The following ADAMTS19 variants were observed in gnomAD, a reference collection of about 807,000 sequenced individuals.
ADAMTS19 encodes A disintegrin and metalloproteinase with thrombospondin motifs 19.
A neutral mutation model predicts 153.3 loss-of-function variants in ADAMTS19; 93 were observed. The ratio of observed to expected loss-of-function variants is 0.61; its 90% CI spans 0.51 to 0.72. The LOEUF (loss-of-function observed/expected upper bound fraction) is 0.72, where lower values mean the gene tolerates loss of function less well. Ranked by LOEUF, ADAMTS19 falls within the 30% of genes least tolerant of loss-of-function variation. The pLI is 0.00. For synonymous variants in ADAMTS19, 600 were observed against 556.6 expected, an observed-to-expected ratio of 1.08 and a Z score of -1.10; for missense variants, 1,482 against 1,552.1, an observed-to-expected ratio of 0.95 and a Z score of 0.76.
intron 3 of ADAMTS19, among the ~76,000 whole-genome samples, chr5:129,515,305 TG>T: frequency 6.6e-6 from 1 of 151,720 alleles, no homozygotes; most frequent in Non-Finnish European, 1.5e-5. Context: ...GTTTTAGGAC[TG>T]TTTTTTTTTT....
chr5:129,544,884 A>G (rs1484270216), intron 6 of ADAMTS19, among the ~76,000 whole-genome samples: 1 of 152,092 alleles, frequency 6.6e-6, no homozygotes. Context: ...TTAGGACAAA[A>G]ATGCTTCCTC....
intron 10 of ADAMTS19, among the ~76,000 whole-genome samples, chr5:129,626,835 A>C (rs1442106113): frequency 2.0e-5 from 3 of 152,126 alleles, no homozygotes; most frequent in Admixed American, 6.6e-5. Flanking sequence ...AGTTGATGAT[A>C]ATTGTTTAGA....
At chr5:129,728,719 C>T (rs1455055831) in intron 21 of ADAMTS19, among the ~76,000 whole-genome samples, 1 of 152,060 alleles carries the variant, frequency 6.6e-6, no homozygotes, top group Non-Finnish European at 1.5e-5. Flanking sequence ...CTACTTCTAA[C>T]TCCATTGATT....
intron 11 of ADAMTS19, among the ~76,000 whole-genome samples, chr5:129,643,488 A>G (rs1392996152): frequency 6.6e-6 from 1 of 152,066 alleles, no homozygotes; most frequent in Non-Finnish European, 1.5e-5. Flanking sequence ...GGAGTACATC[A>G]ATGAGAGGGA....
intron 13 of ADAMTS19, among the ~76,000 whole-genome samples, chr5:129,652,267 C>T (rs545518363): frequency 4.6e-5 from 7 of 152,218 alleles, no homozygotes; most frequent in African/African-American, 7.2e-5. Context: ...TGTATTATAG[C>T]GCTGTGGAAG....
intron 10 of ADAMTS19, 141 bp downstream of exon 10, chr5:129,622,489 T>G (rs547554191): frequency 3.0e-6 from 3 of 996,198 alleles, no homozygotes; most frequent in Non-Finnish European, 4.3e-6. Context: ...AAAAGGTTTG[T>G]GCATTTTTTT....
chr5:129,533,639 T>C (rs565823340), intron 6 of ADAMTS19, among the ~76,000 whole-genome samples: 124 of 152,300 alleles, frequency 8.1e-4, no homozygotes, highest in Non-Finnish European at 1.6e-3. Flanking sequence ...TCTGCTAGCT[T>C]TTGAATGTGT....
intron 10 of ADAMTS19, among the ~76,000 whole-genome samples, chr5:129,634,428 C>T (rs1462238847): frequency 1.3e-5 from 2 of 152,032 alleles, no homozygotes; most frequent in Non-Finnish European, 2.9e-5. Context: ...AATTAGAAAA[C>T]CTATTTTAAA....
chr5:129,613,900 A>G lies in ADAMTS19; in HGVS notation c.1479-6718A>G, dbSNP rs1211784979. On this transcript the variant is annotated intron_variant, in intron 8 of 22. Coordinates refer to ENST00000274487, the MANE Select transcript of ADAMTS19 (RefSeq NM_133638.6). The stretch of plus-strand genomic sequence containing the variant: ...ATACAAACTACCATCAGAGAATACT[A>G]TAAACACCTCTACACAAATAAACTA... Among the ~76,000 whole-genome samples, 7 of 152,212 alleles carry G rather than the reference A, an allele frequency of 4.6e-5. No homozygotes were observed. The East Asian group carries it at 1.3e-3, about 29-fold the overall frequency.
intron 10 of ADAMTS19, among the ~76,000 whole-genome samples, chr5:129,640,131 G>C (rs554559701): frequency 6.6e-6 from 1 of 151,702 alleles, no homozygotes; most frequent in Non-Finnish European, 1.5e-5. Flanking sequence ...TTTTGAAGCT[G>C]GAAAAAAAGT....
At chr5:129,644,377 A>C (rs909398676) in intron 11 of ADAMTS19, among the ~76,000 whole-genome samples, 2 of 152,178 alleles carry the variant, frequency 1.3e-5, no homozygotes, top group African/African-American at 4.8e-5. Context: ...CTCACACCAA[A>C]CACTGCAAGC....
intron 8 of ADAMTS19, among the ~76,000 whole-genome samples, chr5:129,620,260 C>A (rs1178917080): frequency 1.3e-5 from 2 of 151,748 alleles, no homozygotes; most frequent in African/African-American, 4.8e-5. Flanking sequence ...ATTCAGGCAA[C>A]AGCAAGAATC....
At chr5:129,649,164 C>T (rs189008022) in intron 13 of ADAMTS19, among the ~76,000 whole-genome samples, 194 bp downstream of exon 13, 4 of 152,268 alleles carry the variant, frequency 2.6e-5, no homozygotes, top group Non-Finnish European at 5.9e-5. Flanking sequence ...AGCTGTTACC[C>T]CATACCTATT....
At chr5:129,552,994 A>G (rs1346871371) in intron 7 of ADAMTS19, among the ~76,000 whole-genome samples, 1 of 152,052 alleles carries the variant, frequency 6.6e-6, no homozygotes, top group African/African-American at 2.4e-5. Context: ...TGTAGGGACC[A>G]TCTTCCTACT....
chr5:129,520,423 C>T (rs1162897673), intron 3 of ADAMTS19, among the ~76,000 whole-genome samples: 1 of 151,994 alleles, frequency 6.6e-6, no homozygotes, highest in East Asian at 1.9e-4. Flanking sequence ...CATGCCATAC[C>T]CTGGACACAT....
intron 17 of ADAMTS19, among the ~76,000 whole-genome samples, chr5:129,680,319 T>C (rs1754743086): frequency 6.6e-6 from 1 of 152,144 alleles, no homozygotes; most frequent in African/African-American, 2.4e-5. Flanking sequence ...AAACCTTAGA[T>C]AAAATGTTAT....
intron 7 of ADAMTS19, among the ~76,000 whole-genome samples, chr5:129,580,368 A>C (rs2126884137): frequency 6.6e-6 from 1 of 152,304 alleles, no homozygotes. Context: ...ACAGACAATC[A>C]TGTCATCTGC....
intron 7 of ADAMTS19, among the ~76,000 whole-genome samples, chr5:129,555,507 A>T (rs1359096160): frequency 6.6e-6 from 1 of 152,172 alleles, no homozygotes; most frequent in Non-Finnish European, 1.5e-5. Context: ...AATCAGGGCT[A>T]TGCTACTTAT....
chr5:129,640,300 G>C (rs2127020810), intron 10 of ADAMTS19, among the ~76,000 whole-genome samples: 1 of 152,122 alleles, frequency 6.6e-6, no homozygotes, highest in East Asian at 1.9e-4. Flanking sequence ...CTTACAAACA[G>C]TTCAGAAATC....
Sources: allele counts gnomAD v4.1 joint callset (sites outside exome capture counted in the v4.1 genomes callset), GRCh38; gene constraint gnomAD v4.1.1; transcripts MANE v1.5; gene names NCBI Gene and HGNC (gene_info 2026-07-23, HGNC 2026-07-21).